The following KIAA1671 variants were observed in gnomAD, a reference collection of about 807,000 sequenced individuals.
KIAA1671 encodes the protein KIAA1671, also known as uncharacterized protein KIAA1671.
KIAA1671 carries 52 observed loss-of-function variants against 131.2 expected under a neutral mutation model. The observed-to-expected ratio is 0.40, with a 90% confidence interval of 0.32 to 0.50. The LOEUF (loss-of-function observed/expected upper bound fraction) is 0.50, where lower values mean the gene tolerates loss of function less well. Ranked by LOEUF, KIAA1671 falls within the 20% of genes least tolerant of loss-of-function variation. KIAA1671 has a pLI of 0.73. For synonymous variants in KIAA1671, 1,003 were observed against 961.6 expected (o/e 1.04, Z -0.80); for missense variants, 2,360 against 2,364.2 (o/e 1.00, Z 0.04).
chr22:25,164,978 CGTGTGTGTGTGTGTGTGTGTGTGTGT>C (rs59765745), intron 6 of KIAA1671, among the ~76,000 whole-genome samples: 4 of 116,608 alleles, frequency 3.4e-5, no homozygotes, highest in East Asian at 2.6e-4. Context: ...GAGTTGCAGG[CGTGTGTGTGTGTGTGTGTGTGTGTGT>C]GTGTGTGTGT....
chr22:25,092,726 A>G (rs948272346), intron 6 of KIAA1671, among the ~76,000 whole-genome samples: 2 of 152,208 alleles, frequency 1.3e-5, no homozygotes, highest in African/African-American at 2.4e-5. Flanking sequence ...AAGAGGAACT[A>G]CGGAGGGTCC....
At chr22:24,980,880 G>A (rs941501029) in intron 1 of KIAA1671, among the ~76,000 whole-genome samples, 1 of 151,994 alleles carries the variant, frequency 6.6e-6, no homozygotes, top group East Asian at 1.9e-4. Context: ...CTGAGTAGCT[G>A]GGATTACAGG....
intron 1 of KIAA1671, among the ~76,000 whole-genome samples, chr22:24,977,439 C>A (rs1922972228): frequency 6.6e-6 from 1 of 152,222 alleles, no homozygotes; most frequent in Admixed American, 6.5e-5. Flanking sequence ...TGGTAGGAGG[C>A]TTCTTACCCC....
intron 6 of KIAA1671, among the ~76,000 whole-genome samples, chr22:25,108,003 G>A (rs1931115689): frequency 1.3e-5 from 2 of 151,740 alleles, no homozygotes; most frequent in Non-Finnish European, 2.9e-5. Flanking sequence ...GCAAGACTTT[G>A]TCTCAAAAAA....
At chr22:25,037,689 T>C (rs922707992) in intron 4 of KIAA1671, among the ~76,000 whole-genome samples, 3 of 152,132 alleles carry the variant, frequency 2.0e-5, no homozygotes, top group African/African-American at 2.4e-5. Context: ...TTTCTGTCTA[T>C]GGATTTACCT....
At chr22:25,135,002 C>T (rs1932609613) in intron 6 of KIAA1671, among the ~76,000 whole-genome samples, 1 of 152,122 alleles carries the variant, frequency 6.6e-6, no homozygotes, top group African/African-American at 2.4e-5. Context: ...CTAGGGGTGA[C>T]CACTGAGTTC....
Position 25,123,190 on chromosome 22 carries a change from GTTTTTTTTTTT to G in KIAA1671, c.4531-47616_4531-47606del, listed in dbSNP as rs59051108. ...TACATGGCATCACTTCTGAGATGAG[GTTTTTTTTTTT>G]TTTTTTTTTTTTTGAGATGGAGTCT... On this transcript the variant is annotated intron_variant, in intron 6 of 12. Transcript: ENST00000358431. Among the ~76,000 whole-genome samples, 253 of 63,402 alleles carry G rather than the reference GTTTTTTTTTTT, an allele frequency of 4.0e-3. 2 individuals carry two copies. The highest frequency in any genetic ancestry group is 0.019 in the African/African-American group (227 of 11,934). 41.6% of individuals were successfully genotyped at this position (63,402 alleles called of 152,430 possible). A position where few individuals can be genotyped will look rare whatever the true frequency, so the allele number is the denominator to read the frequency against.
chr22:25,088,125 T>C (rs1206602161), intron 6 of KIAA1671, among the ~76,000 whole-genome samples: 3 of 151,212 alleles, frequency 2.0e-5, no homozygotes, highest in Non-Finnish European at 4.4e-5. Flanking sequence ...TTTTTTTTTT[T>C]GAGACAGAGT....
chr22:25,019,049 T>TG, intron 1 of KIAA1671, among the ~76,000 whole-genome samples: 1 of 118,950 alleles, frequency 8.4e-6, no homozygotes, highest in Non-Finnish European at 1.8e-5. Flanking sequence ...CAATAGTTGT[T>TG]TTGTGTGTGT....
At chr22:25,123,632 T>A (rs766879566) in intron 6 of KIAA1671, among the ~76,000 whole-genome samples, 3 of 152,102 alleles carry the variant, frequency 2.0e-5, no homozygotes, top group Non-Finnish European at 4.4e-5. Flanking sequence ...AACTGAAGCC[T>A]CCAGTCCACC....
At position 25,027,982 on chromosome 22, in the gene KIAA1671, G is replaced by A; in HGVS notation, c.-18G>A. On this transcript the variant is annotated 5_prime_UTR_variant, in exon 3 of 13. It removes an upstream start codon present in the reference 5' UTR. Coordinates refer to ENST00000358431, the MANE Select transcript of KIAA1671 (RefSeq NM_001145206.2). ...CATTCTTGAAGTTCCTAACCCCCAT[G>A]AATCCACAACCATAACCATGGCCAC... 6.9e-7 allele frequency: 1 copy of A among 1,452,408 alleles called. No homozygotes were observed. Among genetic ancestry groups the A allele is most frequent in the Non-Finnish European group, 9.1e-7 (1 of 1,096,882 alleles). 90.0% of individuals were successfully genotyped at this position (1,452,408 alleles called of 1,614,324 possible). A position where few individuals can be genotyped will look rare whatever the true frequency, so the allele number is the denominator to read the frequency against.
At chr22:25,150,867 C>T (rs1019421116) in intron 6 of KIAA1671, among the ~76,000 whole-genome samples, 1 of 125,944 alleles carries the variant, frequency 7.9e-6, no homozygotes, top group African/African-American at 3.1e-5. Context: ...GAGTCTCACT[C>T]CATCGCCCAG....
intron 6 of KIAA1671, among the ~76,000 whole-genome samples, chr22:25,075,862 T>G (rs1332433271): frequency 1.4e-5 from 2 of 139,040 alleles, no homozygotes; most frequent in African/African-American, 2.7e-5. Context: ...TGCAACCTCC[T>G]CCTCCCGGGT....
At chr22:25,140,792 T>C (rs529002442) in intron 6 of KIAA1671, among the ~76,000 whole-genome samples, 1 of 152,330 alleles carries the variant, frequency 6.6e-6, no homozygotes, top group African/African-American at 2.4e-5. Context: ...TAGGAGGTTC[T>C]TGAGCAGAGG....
chr22:25,017,671 G>C (rs1261664885), intron 1 of KIAA1671, among the ~76,000 whole-genome samples: 2 of 152,154 alleles, frequency 1.3e-5, no homozygotes, highest in African/African-American at 4.8e-5. Flanking sequence ...TAAAAAGTAG[G>C]ATGATTGAAT....
rs907988629 is a variant in KIAA1671 at position 25,111,166 on chromosome 22, G to A, written c.4531-59654G>A. Reference sequence around the variant, plus strand: ...CAAGACGCTGCCTGTAACCTTAGAGGCAGAAGCCGTTTCCCAGCAGTGCTA... The same window carrying A: ...CAAGACGCTGCCTGTAACCTTAGAGACAGAAGCCGTTTCCCAGCAGTGCTA... On this transcript the variant is annotated intron_variant, in intron 6 of 12. Transcript: ENST00000358431. Among the ~76,000 whole-genome samples the A allele has an allele frequency of 2.0e-5, 3 of 152,214 alleles. No homozygotes were observed. The South Asian group carries it at 6.2e-4, about 31-fold the overall frequency.
intron 6 of KIAA1671, among the ~76,000 whole-genome samples, chr22:25,108,496 T>C (rs1437531321): frequency 6.6e-6 from 1 of 152,008 alleles, no homozygotes; most frequent in Non-Finnish European, 1.5e-5. Flanking sequence ...GTGGGGAAAA[T>C]GGACAAACTT....
chr22:25,124,686 C>T (rs988036326), intron 6 of KIAA1671, among the ~76,000 whole-genome samples: 2 of 152,210 alleles, frequency 1.3e-5, no homozygotes, highest in African/African-American at 4.8e-5. Context: ...TCCTTACAAC[C>T]TTGATACATT....
intron 6 of KIAA1671, among the ~76,000 whole-genome samples, chr22:25,152,564 A>C (rs1322045091): frequency 6.6e-6 from 1 of 151,958 alleles, no homozygotes; most frequent in Non-Finnish European, 1.5e-5. Flanking sequence ...TCCCCAATCC[A>C]CCCTTCTGAA....
Sources: gnomAD v4.1 joint callset for allele counts (sites outside exome capture counted in the v4.1 genomes callset) on GRCh38, gnomAD v4.1.1 for gene constraint, MANE v1.5 for transcripts, NCBI Gene and HGNC (gene_info 2026-07-23, HGNC 2026-07-21) for gene names.